Variants in SMYD3 observed in about 807,000 individuals in gnomAD.
SMYD3 encodes histone-lysine N-methyltransferase SMYD3.
A neutral mutation model predicts 57.7 loss-of-function variants in SMYD3; 36 were observed. The observed-to-expected ratio is 0.62, with a 90% confidence interval of 0.48 to 0.82. SMYD3 has a LOEUF of 0.82. Among genes scored for constraint, SMYD3 ranks in the 40% least tolerant of loss-of-function variants. The probability of loss-of-function intolerance (pLI) is 0.00; values close to 1 mark genes in which losing one functional copy is unlikely to be tolerated. For missense variants in SMYD3, 515 were observed against 538.8 expected, an observed-to-expected ratio of 0.96 and a Z score of 0.44; for synonymous variants, 211 against 195.0, an observed-to-expected ratio of 1.08 and a Z score of -0.68.
At chr1:245,763,600 G>A (rs958703461) in intron 11 of SMYD3, among the ~76,000 whole-genome samples, 5 of 152,084 alleles carry the variant, frequency 3.3e-5, no homozygotes, top group Admixed American at 6.6e-5. Flanking sequence ...GAGGAAGGGC[G>A]GGGAGAAGTG....
intron 5 of SMYD3, among the ~76,000 whole-genome samples, chr1:246,086,800 G>A (rs1005951519): frequency 1.3e-5 from 2 of 151,910 alleles, no homozygotes; most frequent in Non-Finnish European, 2.9e-5. Context: ...GTGTGCCATG[G>A]TGGTTTGCTG....
At chr1:246,326,819 C>T (rs796495210) in intron 5 of SMYD3, 6 of 259,392 alleles carry the variant, frequency 2.3e-5, no homozygotes, top group African/African-American at 1.4e-4. Context: ...ATTTCAAAGA[C>T]AGGCTCTATG....
chr1:246,173,355 A>G (rs6675354), intron 5 of SMYD3, among the ~76,000 whole-genome samples: 127,315 of 152,182 alleles, frequency 0.84, 53,818 homozygotes, highest in Admixed American at 0.9. Context: ...AGACTTTATC[A>G]ACGCTGTACA....
At chr1:246,295,374 A>G (rs945413747) in intron 5 of SMYD3, among the ~76,000 whole-genome samples, 2 of 152,192 alleles carry the variant, frequency 1.3e-5, no homozygotes, top group African/African-American at 2.4e-5. Flanking sequence ...ATGAGCAAAC[A>G]AAGTGTTTGT....
intron 5 of SMYD3, among the ~76,000 whole-genome samples, chr1:246,296,163 C>T (rs1228213066): frequency 6.6e-6 from 1 of 152,136 alleles, no homozygotes; most frequent in African/African-American, 2.4e-5. Context: ...GCAGACTATG[C>T]AGACAGAGAA....
intron 5 of SMYD3, among the ~76,000 whole-genome samples, chr1:246,243,587 A>G (rs2063653669): frequency 6.6e-6 from 1 of 151,914 alleles, no homozygotes; most frequent in African/African-American, 2.4e-5. Flanking sequence ...CAAATTATCC[A>G]TTAATCAGTT....
At chr1:245,896,389 CAAAA>C (rs3052904) in intron 8 of SMYD3, among the ~76,000 whole-genome samples, 1 of 73,734 alleles carries the variant, frequency 1.4e-5, no homozygotes, top group African/African-American at 6.9e-5. Context: ...TTTGCCAAGT[CAAAA>C]AAAAAAAAAA....
chr1:246,287,243 G>C (rs1169606582), intron 5 of SMYD3, among the ~76,000 whole-genome samples: 4 of 152,114 alleles, frequency 2.6e-5, no homozygotes, highest in Admixed American at 6.5e-5. Context: ...AAACATTAGT[G>C]AAAGTCCAGA....
chr1:246,254,252 A>G (rs1009566372), intron 5 of SMYD3, among the ~76,000 whole-genome samples: 1 of 152,116 alleles, frequency 6.6e-6, no homozygotes, highest in East Asian at 1.9e-4. Context: ...GGTGTTTCCT[A>G]GCTTCTTATA....
chr1:246,221,724 C>T (rs1465855462), intron 5 of SMYD3, among the ~76,000 whole-genome samples: 2 of 152,208 alleles, frequency 1.3e-5, no homozygotes, highest in African/African-American at 4.8e-5. Flanking sequence ...GCACAGTGGG[C>T]GGACCCCACG....
In SMYD3 at chr1:245,963,282, A is replaced by T. The variant is rs184784060; in HGVS notation, c.532-33345T>A. On this transcript the variant is annotated intron_variant, in intron 5 of 11. Transcript: ENST00000490107. ...CTATAATTTCTCAATATACAGTGTT[A>T]AAAAAAAATTCTTAGATCTGCCAAA... Among the ~76,000 whole-genome samples the T allele has an allele frequency of 1.9e-4, 29 of 151,860 alleles. No individual in the cohort carries two copies. The East Asian group carries it at 5.4e-3, about 28-fold the overall frequency.
chr1:245,959,965 A>T (rs1024252845), intron 5 of SMYD3, among the ~76,000 whole-genome samples: 1 of 152,046 alleles, frequency 6.6e-6, no homozygotes, highest in Non-Finnish European at 1.5e-5. Flanking sequence ...TTTTCTGTAG[A>T]GACAAGGTTT....
At chr1:246,094,688 A>C (rs1355508380) in intron 5 of SMYD3, among the ~76,000 whole-genome samples, 2 of 152,222 alleles carry the variant, frequency 1.3e-5, no homozygotes, top group African/African-American at 4.8e-5. Flanking sequence ...AGCAAAACGC[A>C]CAGGATCACT....
intron 5 of SMYD3, among the ~76,000 whole-genome samples, chr1:245,967,897 A>G (rs1257445759): frequency 6.6e-6 from 1 of 152,112 alleles, no homozygotes; most frequent in African/African-American, 2.4e-5. Context: ...TCATATTTCC[A>G]TTGCTTACTT....
At chr1:245,901,580 C>T (rs918094199) in intron 8 of SMYD3, among the ~76,000 whole-genome samples, 1 of 152,094 alleles carries the variant, frequency 6.6e-6, no homozygotes, top group African/African-American at 2.4e-5. Flanking sequence ...CCTTATGGAG[C>T]AAATGTTAAA....
chr1:245,886,359 CA>C (rs1193371929), intron 8 of SMYD3, among the ~76,000 whole-genome samples: 5 of 152,020 alleles, frequency 3.3e-5, no homozygotes, highest in Non-Finnish European at 7.4e-5. Flanking sequence ...AACGGCTTGT[CA>C]ACAAAGGTTG....
At chr1:246,028,913 CTAGAGA>C (rs2059621360) in intron 5 of SMYD3, among the ~76,000 whole-genome samples, 1 of 152,020 alleles carries the variant, frequency 6.6e-6, no homozygotes, top group African/African-American at 2.4e-5. Flanking sequence ...AATAGAGAAC[CTAGAGA>C]TAAATTCACA....
At chr1:245,767,929 AG>A (rs2046183445) in intron 10 of SMYD3, among the ~76,000 whole-genome samples, 1 of 152,244 alleles carries the variant, frequency 6.6e-6, no homozygotes, top group South Asian at 2.1e-4. Context: ...CAGACCCTAG[AG>A]GCAAAAATAC....
intron 9 of SMYD3, among the ~76,000 whole-genome samples, chr1:245,860,758 C>T (rs903204609): frequency 1.3e-5 from 2 of 152,226 alleles, no homozygotes; most frequent in Non-Finnish European, 2.9e-5. Context: ...TTAGGCAACG[C>T]ACTGATTTTG....
Sources: gnomAD v4.1 joint callset for allele counts (sites outside exome capture counted in the v4.1 genomes callset) on GRCh38, gnomAD v4.1.1 for gene constraint, MANE v1.5 for transcripts, NCBI Gene and HGNC (gene_info 2026-07-23, HGNC 2026-07-21) for gene names.